Variants in CRACD observed in about 807,000 individuals in gnomAD.
The protein encoded by CRACD is capping protein-inhibiting regulator of actin dynamics.
A neutral mutation model predicts 106.8 loss-of-function variants in CRACD; 56 were observed. The observed-to-expected ratio is 0.52, with a 90% CI of 0.42 to 0.66. The LOEUF (loss-of-function observed/expected upper bound fraction) is 0.66. Ranked by LOEUF, CRACD falls within the 30% of genes least tolerant of loss-of-function variation. CRACD has a pLI of 0.00. For missense variants in CRACD, 1,730 were observed against 1,623.2 expected (o/e 1.07, Z -1.13); for synonymous variants, 754 against 670.8 (o/e 1.12, Z -1.92).
intron 1 of CRACD, among the ~76,000 whole-genome samples, chr4:56,079,571 G>A (rs879028686): frequency 3.3e-5 from 5 of 151,412 alleles, no homozygotes; most frequent in East Asian, 1.9e-4. Context: ...TCAGCTTCCC[G>A]AGTAGCTGGG....
In CRACD at chr4:56,329,192, A is replaced by C. The variant is rs982018128; in HGVS notation, c.*1388A>C. On this transcript the variant is annotated 3_prime_UTR_variant, in exon 11 of 11. Coordinates refer to ENST00000682029, the MANE Select transcript of CRACD (RefSeq NM_001393381.1). ...ATTTACATGAAACAGACATACTGGC[A>C]AACTCACATATTGCTGGTGCTAACC... Among the ~76,000 whole-genome samples the C allele has an allele frequency of 1.3e-5, 2 of 152,236 alleles. No individual in the cohort carries two copies. Among genetic ancestry groups the C allele is most frequent in the African/African-American group, 4.8e-5 (2 of 41,462 alleles).
chr4:56,264,351 TAAAA>T (rs998407319), intron 2 of CRACD, among the ~76,000 whole-genome samples: 1 of 151,796 alleles, frequency 6.6e-6, no homozygotes, highest in Non-Finnish European at 1.5e-5. Flanking sequence ...TTATAATCCT[TAAAA>T]AAAAGAGAGA....
At chr4:56,142,038 G>A (rs1293149688) in intron 1 of CRACD, among the ~76,000 whole-genome samples, 2 of 152,108 alleles carry the variant, frequency 1.3e-5, no homozygotes, top group East Asian at 3.9e-4. Context: ...AGTAATAGGT[G>A]TTCATTGAAG....
At chr4:56,322,923 C>T (rs372157466) in intron 8 of CRACD, among the ~76,000 whole-genome samples, 2 of 151,946 alleles carry the variant, frequency 1.3e-5, no homozygotes, top group Admixed American at 6.6e-5. Context: ...TAGCTACTCG[C>T]GAGGCTGAAA....
chr4:56,226,490 A>G (rs1278589571), intron 2 of CRACD, among the ~76,000 whole-genome samples: 1 of 152,190 alleles, frequency 6.6e-6, no homozygotes, highest in Non-Finnish European at 1.5e-5. Context: ...ACTATAGTGC[A>G]ATAAATTTCA....
chr4:56,307,686 ACG>A lies in CRACD; in HGVS notation c.274_275del (p.Ala92ArgfsTer6). The A allele has an allele frequency of 6.2e-7, 1 of 1,614,130 alleles. No homozygotes were observed. Among genetic ancestry groups the A allele is most frequent in the Non-Finnish European group, 8.5e-7 (1 of 1,180,030 alleles). ...ACTCAGCAGGACATCGTCCTCTCAG[ACG>A]CAGAGAACAAGGTAAGTCTCCTCCA... On this transcript the variant is annotated frameshift_variant, in exon 5 of 11. Coordinates refer to ENST00000682029, the MANE Select transcript of CRACD (RefSeq NM_001393381.1). LOFTEE classifies it high-confidence loss of function.
intron 1 of CRACD, among the ~76,000 whole-genome samples, chr4:56,107,270 CG>C (rs1160162543): frequency 2.6e-5 from 4 of 152,118 alleles, no homozygotes; most frequent in Non-Finnish European, 5.9e-5. Context: ...TGTGAGCCAC[CG>C]GCGCCCAGCC....
chr4:56,304,884 T>A (rs1375971956), intron 4 of CRACD, among the ~76,000 whole-genome samples: 1 of 152,150 alleles, frequency 6.6e-6, no homozygotes, highest in Non-Finnish European at 1.5e-5. Context: ...TTAAATGGTA[T>A]TAGAGTGTTA....
At chr4:56,214,494 C>A (rs4865066) in intron 2 of CRACD, among the ~76,000 whole-genome samples, 116,302 of 151,264 alleles carry the variant, frequency 0.77, 44,865 homozygotes, top group South Asian at 0.89. Context: ...TGGGAAGCCG[C>A]GGCAGGAGAA....
intron 2 of CRACD, among the ~76,000 whole-genome samples, chr4:56,197,681 G>A (rs952520730): frequency 4.6e-5 from 7 of 151,794 alleles, no homozygotes; most frequent in African/African-American, 7.3e-5. Flanking sequence ...GTTGTGCAGG[G>A]TGATTTTTTT....
intron 1 of CRACD, among the ~76,000 whole-genome samples, chr4:56,113,808 A>G (rs1293779622): frequency 1.3e-5 from 2 of 152,202 alleles, no homozygotes; most frequent in East Asian, 1.9e-4. Context: ...AAATGAATAC[A>G]TGATTAGAAT....
At chr4:56,208,876 G>T (rs1226681704) in intron 2 of CRACD, among the ~76,000 whole-genome samples, 1 of 152,148 alleles carries the variant, frequency 6.6e-6, no homozygotes, top group Non-Finnish European at 1.5e-5. Flanking sequence ...ATAACGAAAA[G>T]ATTTTAAAAA....
chr4:56,200,461 T>C (rs1737827918), intron 2 of CRACD, among the ~76,000 whole-genome samples: 1 of 152,172 alleles, frequency 6.6e-6, no homozygotes, highest in Admixed American at 6.6e-5. Context: ...AGGGGCTCTG[T>C]AAGTTGCCAT....
At chr4:56,080,549 A>ACT (rs2109807966) in intron 1 of CRACD, among the ~76,000 whole-genome samples, 1 of 152,330 alleles carries the variant, frequency 6.6e-6, no homozygotes, top group South Asian at 2.1e-4. Context: ...CATGCATGCT[A>ACT]CTGCATGGGC....
chr4:56,177,082 C>T (rs775247413), intron 1 of CRACD, among the ~76,000 whole-genome samples: 32 of 152,270 alleles, frequency 2.1e-4, no homozygotes, highest in Non-Finnish European at 4.4e-4. Flanking sequence ...CTATCTAGGA[C>T]TTCCAGTACT....
chr4:56,067,866 G>A (rs1375452972), intron 1 of CRACD, among the ~76,000 whole-genome samples: 1 of 152,166 alleles, frequency 6.6e-6, no homozygotes, highest in African/African-American at 2.4e-5. Context: ...GTGAGCCACC[G>A]CGCCTGGCTG....
chr4:56,164,150 T>G (rs1387798198), intron 1 of CRACD, among the ~76,000 whole-genome samples: 2 of 151,854 alleles, frequency 1.3e-5, no homozygotes, highest in Non-Finnish European at 2.9e-5. Context: ...TTTTTTTTTT[T>G]TTGAGACGGA....
intron 2 of CRACD, among the ~76,000 whole-genome samples, chr4:56,260,867 A>C (rs192375092): frequency 7.7e-4 from 116 of 151,296 alleles, no homozygotes; most frequent in Admixed American, 5.6e-3. Flanking sequence ...CTTTCTGTCT[A>C]TCTGTCTGTC....
At chr4:56,083,472 G>A (rs1171789717) in intron 1 of CRACD, among the ~76,000 whole-genome samples, 1 of 151,992 alleles carries the variant, frequency 6.6e-6, no homozygotes, top group Non-Finnish European at 1.5e-5. Context: ...AGAAACAAAT[G>A]CACAATTCAT....
Sources: gnomAD v4.1 joint callset for allele counts (sites outside exome capture counted in the v4.1 genomes callset) on GRCh38, gnomAD v4.1.1 for gene constraint, MANE v1.5 for transcripts, NCBI Gene and HGNC (gene_info 2026-07-23, HGNC 2026-07-21) for gene names.